Variants in PDGFRL observed in about 807,000 individuals in gnomAD.
PDGFRL encodes the protein platelet derived growth factor receptor like.
PDGFRL carries 46 observed loss-of-function variants against 37.2 expected under a neutral mutation model. The observed-to-expected ratio is 1.24, with a 90% CI of 0.98 to 1.58. The LOEUF (loss-of-function observed/expected upper bound fraction) is 1.58, where lower values mean the gene tolerates loss of function less well. Ranked by LOEUF, PDGFRL falls within the 40% of genes most tolerant of loss-of-function variation. PDGFRL has a pLI of 0.00. For missense variants in PDGFRL, 692 were observed against 467.6 expected (o/e 1.48, Z -4.43); for synonymous variants, 251 against 184.3 (o/e 1.36, Z -2.93).
At chr8:17,595,268 TC>T (rs1804027518) in intron 2 of PDGFRL, among the ~76,000 whole-genome samples, 1 of 151,608 alleles carries the variant, frequency 6.6e-6, no homozygotes, top group Non-Finnish European at 1.5e-5. Context: ...CTGCCCACCA[TC>T]CCCTCAACCA....
At chr8:17,624,108 T>C (rs1050325097) in intron 3 of PDGFRL, among the ~76,000 whole-genome samples, 2 of 152,142 alleles carry the variant, frequency 1.3e-5, no homozygotes, top group Non-Finnish European at 2.9e-5. Flanking sequence ...ATTTTTACTA[T>C]AGGGTTTGGC....
At chr8:17,638,299 G>A (rs1471053593) in intron 5 of PDGFRL, among the ~76,000 whole-genome samples, 2 of 152,010 alleles carry the variant, frequency 1.3e-5, no homozygotes, top group African/African-American at 4.8e-5. Context: ...TTTCATTCTT[G>A]ACCCAGTGAT....
chr8:17,638,594 C>T (rs974363567), intron 5 of PDGFRL, among the ~76,000 whole-genome samples: 1 of 151,256 alleles, frequency 6.6e-6, no homozygotes, highest in Admixed American at 6.6e-5. Flanking sequence ...TCCATTGTTT[C>T]TTTGTTGATG....
At chr8:17,592,682 C>T (rs1803965152) in intron 2 of PDGFRL, among the ~76,000 whole-genome samples, 1 of 152,168 alleles carries the variant, frequency 6.6e-6, no homozygotes. Context: ...CCGGGCTAAC[C>T]TCAGGCATCA....
At chr8:17,635,157 A>G (rs1056322514) in intron 5 of PDGFRL, among the ~76,000 whole-genome samples, 4 of 152,002 alleles carry the variant, frequency 2.6e-5, no homozygotes, top group Non-Finnish European at 2.9e-5. Flanking sequence ...TTTGATTTCA[A>G]TCGGTTTTTA....
At chr8:17,603,704 A>C (rs796570538) in intron 2 of PDGFRL, among the ~76,000 whole-genome samples, 1 of 152,334 alleles carries the variant, frequency 6.6e-6, no homozygotes, top group African/African-American at 2.4e-5. Context: ...TGGTGAGCAA[A>C]ATAGATAAAA....
At chr8:17,636,864 T>TA (rs2129842321) in intron 5 of PDGFRL, among the ~76,000 whole-genome samples, 1 of 152,272 alleles carries the variant, frequency 6.6e-6, no homozygotes, top group South Asian at 2.1e-4. Context: ...AGTATATATA[T>TA]TTTTTGCAGC....
chr8:17,606,906 T>G (rs1175930442), intron 2 of PDGFRL, among the ~76,000 whole-genome samples: 1 of 145,394 alleles, frequency 6.9e-6, no homozygotes, highest in Non-Finnish European at 1.5e-5. Context: ...TTTTTTTTTT[T>G]TTTTTTTGAG....
At position 17,628,619 on chromosome 8, in the gene PDGFRL, C is replaced by A; in HGVS notation, c.638C>A (p.Ala213Asp). ...GTCACGCTCCACAGGGAATTCCCAG[C>A]CAAGGAGATCCCAGCCAATGGAACG... The part of the protein sequence containing the change: ...AKVTLHREFP[A>D]KEIPANGTDI... Residue 213 changes from alanine (A) to aspartate (D), a missense_variant, in exon 4 of 6, where the codon GCC becomes GAC. Ala to Asp is a moderately radical substitution (Grantham distance 126). Coordinates refer to ENST00000251630, the MANE Select transcript of PDGFRL (RefSeq NM_001372073.1). The A allele has an allele frequency of 6.2e-7, 1 of 1,614,150 alleles. No individual in the cohort carries two copies. The highest frequency in any genetic ancestry group is 1.3e-5 in the African/African-American group (1 of 75,048).
At chr8:17,597,633 G>T (rs888814404) in intron 2 of PDGFRL, among the ~76,000 whole-genome samples, 1 of 152,110 alleles carries the variant, frequency 6.6e-6, no homozygotes, top group South Asian at 2.1e-4. Flanking sequence ...TTATTCATCA[G>T]TGATTTTGGT....
chr8:17,596,036 C>T (rs1289359738), intron 2 of PDGFRL, among the ~76,000 whole-genome samples: 1 of 152,198 alleles, frequency 6.6e-6, no homozygotes, highest in Non-Finnish European at 1.5e-5. Flanking sequence ...GGTGGGGCCT[C>T]CACAGACTCC....
chr8:17,618,110 T>A (rs1186964437), intron 2 of PDGFRL, among the ~76,000 whole-genome samples: 3 of 152,084 alleles, frequency 2.0e-5, no homozygotes, highest in Admixed American at 2.0e-4. Flanking sequence ...TAGGCTGGAG[T>A]ACAGTGGTGG....
intron 3 of PDGFRL, among the ~76,000 whole-genome samples, chr8:17,624,900 G>C (rs534111388): frequency 6.6e-6 from 1 of 152,174 alleles, no homozygotes; most frequent in South Asian, 2.1e-4. Context: ...GGGTGACGGA[G>C]TGAGACTGTC....
intron 1 of PDGFRL, among the ~76,000 whole-genome samples, chr8:17,587,297 C>T (rs1210189489): frequency 6.6e-6 from 1 of 152,162 alleles, no homozygotes; most frequent in Non-Finnish European, 1.5e-5. Context: ...CAGATAATCT[C>T]ATGTTCCTGA....
intron 3 of PDGFRL, among the ~76,000 whole-genome samples, chr8:17,624,154 C>T (rs1008572232): frequency 6.6e-6 from 1 of 152,084 alleles, no homozygotes; most frequent in Admixed American, 6.6e-5. Flanking sequence ...CTTTGAGAAA[C>T]CAAGATGGGC....
At chr8:17,608,088 G>A (rs926228214) in intron 2 of PDGFRL, among the ~76,000 whole-genome samples, 1 of 152,230 alleles carries the variant, frequency 6.6e-6, no homozygotes, top group Middle Eastern at 3.4e-3. Flanking sequence ...ACTCTGTCCT[G>A]GGGCCTCAGG....
intron 2 of PDGFRL, among the ~76,000 whole-genome samples, chr8:17,616,073 C>T (rs1034494256): frequency 6.6e-5 from 10 of 152,218 alleles, no homozygotes; most frequent in African/African-American, 1.7e-4. Flanking sequence ...CTGTGGAAGA[C>T]GAGCTGTAGC....
intron 5 of PDGFRL, among the ~76,000 whole-genome samples, chr8:17,636,496 C>A (rs937105360): frequency 6.6e-6 from 1 of 151,060 alleles, no homozygotes; most frequent in Admixed American, 6.6e-5. Context: ...CAGTACCATG[C>A]TGTTTTGGTG....
At chr8:17,588,313 C>G (rs967403573) in intron 1 of PDGFRL, among the ~76,000 whole-genome samples, 1 of 152,074 alleles carries the variant, frequency 6.6e-6, no homozygotes, top group South Asian at 2.1e-4. Context: ...TTTATTCTAC[C>G]TAGACATCGC....
Sources: gnomAD v4.1 joint callset for allele counts (sites outside exome capture counted in the v4.1 genomes callset) on GRCh38, gnomAD v4.1.1 for gene constraint, MANE v1.5 for transcripts, NCBI Gene and HGNC (gene_info 2026-07-23, HGNC 2026-07-21) for gene names.